Variants in ATF7 observed in about 807,000 individuals in gnomAD.
The protein encoded by ATF7 is activating transcription factor 7, also known as cyclic AMP-dependent transcription factor ATF-7.
Under a neutral mutation model 50.4 loss-of-function variants are expected in ATF7, and 10 were observed. That is an observed-to-expected ratio of 0.20 (90% CI 0.12 to 0.34). The LOEUF is 0.34. ATF7 is among the 10% of genes least tolerant of loss of function. The pLI, the probability that ATF7 is intolerant of heterozygous loss-of-function variation, is 1.00. For synonymous variants in ATF7, 201 were observed against 226.4 expected, an observed-to-expected ratio of 0.89 and a Z score of 1.01; for missense variants, 465 against 613.9, an observed-to-expected ratio of 0.76 and a Z score of 2.56.
At chr12:53,578,046 G>C (rs1249688504) in intron 2 of ATF7, among the ~76,000 whole-genome samples, 1 of 152,068 alleles carries the variant, frequency 6.6e-6, no homozygotes, top group Non-Finnish European at 1.5e-5. Context: ...TACAGTCAAA[G>C]AGAGAAAACC....
At chr12:53,544,433 A>G (rs778853109) in intron 3 of ATF7, among the ~76,000 whole-genome samples, 1 of 152,190 alleles carries the variant, frequency 6.6e-6, no homozygotes, top group Non-Finnish European at 1.5e-5. Flanking sequence ...TATTTTAAGG[A>G]GTGAGACCTG....
chr12:53,545,305 A>C (rs1280460803), intron 3 of ATF7, among the ~76,000 whole-genome samples: 2 of 152,078 alleles, frequency 1.3e-5, no homozygotes, highest in Non-Finnish European at 2.9e-5. Context: ...GAATCCTAAA[A>C]AAATCAGTAA....
intron 9 of ATF7, among the ~76,000 whole-genome samples, 154 bp downstream of exon 9, chr12:53,531,590 T>C (rs535245826): frequency 1.7e-4 from 26 of 152,180 alleles, no homozygotes; most frequent in Non-Finnish European, 2.8e-4. Context: ...ATGGTACGTT[T>C]TGCTATAGTC....
At chr12:53,596,934 G>T (rs143730414) in intron 2 of ATF7, among the ~76,000 whole-genome samples, 1 of 152,232 alleles carries the variant, frequency 6.6e-6, no homozygotes, top group African/African-American at 2.4e-5. Context: ...TGCCAAGAGG[G>T]TATCTGGGGC....
At position 53,538,571 on chromosome 12, in the gene ATF7, C is replaced by T. The variant is rs574334114; in HGVS notation, c.265-1019G>A. Among the ~76,000 whole-genome samples, 81 of 152,288 alleles carry T rather than the reference C, an allele frequency of 5.3e-4. 3 individuals are homozygous for T. In the South Asian group the frequency reaches 0.016, roughly 29 times the overall value. On this transcript the variant is annotated intron_variant, in intron 4 of 11. Transcript: ENST00000420353. ...CCTCACAGAACTGTGGAGCTGTAAA[C>T]GGCCTTGCAGGGAACAATAAACCAT...
At chr12:53,587,839 A>ATG (rs1487043109) in intron 2 of ATF7, among the ~76,000 whole-genome samples, 42 of 62,976 alleles carry the variant, frequency 6.7e-4, no homozygotes, top group African/African-American at 2.0e-3. Context: ...ATATATATAT[A>ATG]TATATTTTTT....
intron 2 of ATF7, among the ~76,000 whole-genome samples, chr12:53,569,284 G>A (rs1048428081): frequency 2.0e-5 from 3 of 152,190 alleles, no homozygotes; most frequent in Non-Finnish European, 4.4e-5. Flanking sequence ...CAGCAGCTGG[G>A]GAAATTGTCT....
At chr12:53,577,728 A>AAAAGAAAG (rs533228352) in intron 2 of ATF7, among the ~76,000 whole-genome samples, 250 of 147,354 alleles carry the variant, frequency 1.7e-3, no homozygotes, top group African/African-American at 4.6e-3. Context: ...AAAAAAAAAA[A>AAAAGAAAG]AAAGAAAGAA....
chr12:53,551,343 G>A (rs1940340911), intron 3 of ATF7, among the ~76,000 whole-genome samples: 1 of 152,074 alleles, frequency 6.6e-6, no homozygotes, highest in African/African-American at 2.4e-5. Context: ...AACATTTTTT[G>A]TAGAGACAAG....
chr12:53,541,065 A>G (rs2137426804), intron 4 of ATF7, among the ~76,000 whole-genome samples: 1 of 152,306 alleles, frequency 6.6e-6, no homozygotes, highest in Admixed American at 6.5e-5. Context: ...GAGATAGCAT[A>G]AAAAGAAACT....
In ATF7 at chr12:53,516,912, T is replaced by C; in HGVS notation, c.*225A>G. On this transcript the variant is annotated 3_prime_UTR_variant, in exon 12 of 12. Coordinates refer to ENST00000420353, the MANE Select transcript of ATF7 (RefSeq NM_006856.3). ...TGTGGATGCATCAGAAACCCCACCC[T>C]GGGGGATGATCTATGAGGCTCCGGG... 1 of 583,970 alleles carries C rather than the reference T, an allele frequency of 1.7e-6. No individual in the cohort carries two copies. Among genetic ancestry groups the C allele is most frequent in the South Asian group, 2.0e-5 (1 of 49,560 alleles). The allele number at this position is 583,970 out of a possible 1,614,324, so 36.2% of individuals were successfully genotyped here. A position where few individuals can be genotyped will look rare whatever the true frequency, so the allele number is the denominator to read the frequency against.
At chr12:53,511,213 C>T (rs1032859755), downstream of ATF7, among the ~76,000 whole-genome samples, 3 of 152,218 alleles carry the variant, frequency 2.0e-5, no homozygotes, top group African/African-American at 7.2e-5. Flanking sequence ...TCCTGATTCC[C>T]ACAGTCTCTG....
At chr12:53,566,431 G>T (rs1941447869) in intron 2 of ATF7, among the ~76,000 whole-genome samples, 1 of 152,158 alleles carries the variant, frequency 6.6e-6, no homozygotes, top group South Asian at 2.1e-4. Context: ...TATGCAGCTG[G>T]TATTAAACCT....
chr12:53,585,064 C>T (rs1303116783), intron 2 of ATF7, among the ~76,000 whole-genome samples: 1 of 152,168 alleles, frequency 6.6e-6, no homozygotes, highest in Non-Finnish European at 1.5e-5. Flanking sequence ...CCTTGACCTC[C>T]CGGGCTCAAG....
downstream of ATF7, among the ~76,000 whole-genome samples, chr12:53,509,030 G>A (rs548370525): frequency 3.9e-5 from 6 of 152,306 alleles, no homozygotes; most frequent in South Asian, 1.0e-3. Flanking sequence ...TATGGTGCAG[G>A]TTCCTTCTAA....
At chr12:53,579,571 C>T (rs1565973666) in intron 2 of ATF7, among the ~76,000 whole-genome samples, 2 of 145,284 alleles carry the variant, frequency 1.4e-5, no homozygotes, top group South Asian at 2.1e-4. Flanking sequence ...AAAAAAAAAG[C>T]GTGGAGTGTG....
At chr12:53,534,462 AAT>A (rs750979116) in intron 6 of ATF7, 38 bp downstream of exon 6, 5 of 1,611,790 alleles carry the variant, frequency 3.1e-6, no homozygotes, top group Admixed American at 3.3e-5. Context: ...AATGGAAAGA[AAT>A]GCAGCCTTCA....
chr12:53,560,553 A>T (rs1293962999), intron 2 of ATF7, among the ~76,000 whole-genome samples: 1 of 152,194 alleles, frequency 6.6e-6, no homozygotes, highest in Non-Finnish European at 1.5e-5. Context: ...ATTTCTCTGC[A>T]ATATGCACTC....
At chr12:53,585,709 A>G (rs1183739694) in intron 2 of ATF7, among the ~76,000 whole-genome samples, 1 of 152,108 alleles carries the variant, frequency 6.6e-6, no homozygotes, top group Non-Finnish European at 1.5e-5. Flanking sequence ...CTTCAATCCA[A>G]TTATGCCCCA....
Sources: allele counts gnomAD v4.1 joint callset (sites outside exome capture counted in the v4.1 genomes callset), GRCh38; gene constraint gnomAD v4.1.1; transcripts MANE v1.5; gene names NCBI Gene and HGNC (gene_info 2026-07-23, HGNC 2026-07-21).